THAP4: variants seen among roughly 807,000 people sequenced by gnomAD.
THAP4 encodes the protein THAP domain containing 4.
A neutral mutation model predicts 48.1 loss-of-function variants in THAP4; 18 were observed. The ratio of observed to expected loss-of-function variants is 0.37; its 90% CI spans 0.26 to 0.56. The LOEUF is 0.56. Ranked by LOEUF, THAP4 falls within the 20% of genes least tolerant of loss-of-function variation. The pLI is 0.78. For missense variants in THAP4, 656 were observed against 774.9 expected (o/e 0.85, Z 1.82); for synonymous variants, 345 against 324.9 (o/e 1.06, Z -0.66).
At chr2:241,629,279 A>T (rs1000628203) in intron 2 of THAP4, among the ~76,000 whole-genome samples, 2 of 152,172 alleles carry the variant, frequency 1.3e-5, no homozygotes, top group East Asian at 3.9e-4. Flanking sequence ...AGACCAGCCC[A>T]GGCAACATAG....
At position 241,632,906 on chromosome 2, in the gene THAP4, C is replaced by T; in HGVS notation, c.1240+11G>A. The T allele has an allele frequency of 6.3e-7, 1 of 1,582,390 alleles. No individual in the cohort carries two copies. The highest frequency in any genetic ancestry group is 1.2e-5 in the South Asian group (1 of 86,148). On this transcript the variant is annotated intron_variant, in intron 2 of 5. Coordinates refer to ENST00000407315, the MANE Select transcript of THAP4 (RefSeq NM_015963.6). Reference sequence around the variant, plus strand: ...GAAGGGAACATGGGTACGCGAGGCTCCGGTACTGACCGCGGCTGGGCGACA... The same window carrying T: ...GAAGGGAACATGGGTACGCGAGGCTTCGGTACTGACCGCGGCTGGGCGACA...
rs899604644 is a variant in THAP4, at chr2:241,610,786, G to A, written c.1241-4313C>T. On this transcript the variant is annotated intron_variant, in intron 2 of 5. Transcript: ENST00000407315. The surrounding 1 kb of genome is among the most constrained non-coding windows in gnomAD (Gnocchi z 4.2). ...AGGCGCTCCTTAAATGGGGAAGAAA[G>A]ACGGACAGAGCCAGGGACAGCGAGA... is the stretch of plus-strand genomic sequence containing the variant. 6.6e-6 allele frequency among the ~76,000 whole-genome samples: 1 copy of A among 152,122 alleles called. No individual in the cohort carries two copies. Among genetic ancestry groups the A allele is most frequent in the African/African-American group, 2.4e-5 (1 of 41,436 alleles).
rs143676534 is a variant in THAP4, at chr2:241,591,389, T to C, written c.1615-6664A>G. On this transcript the variant is annotated intron_variant, in intron 5 of 5. Transcript: ENST00000407315. ...TCTTGACTGGCGCAGCGTTACAAGATTATATATGCTTGTCCAAATGTATCA... is the reference window on the plus strand; with the variant it reads ...TCTTGACTGGCGCAGCGTTACAAGACTATATATGCTTGTCCAAATGTATCA... Among the ~76,000 whole-genome samples, 171 of 152,290 alleles carry C rather than the reference T, an allele frequency of 1.1e-3. 1 individual carries two copies. The highest frequency in any genetic ancestry group is 3.7e-3 in the African/African-American group (154 of 41,538).
intron 2 of THAP4, among the ~76,000 whole-genome samples, chr2:241,623,534 A>G (rs1386367645): frequency 1.3e-5 from 2 of 151,926 alleles, no homozygotes; most frequent in African/African-American, 4.8e-5. Flanking sequence ...AGCCAAAATC[A>G]TACCAGTGCC....
chr2:241,637,536 C>T (rs566739327), upstream of THAP4: 1,192 of 1,450,630 alleles, frequency 8.2e-4, 13 homozygotes, highest in East Asian at 0.024. Context: ...CCCCGGGGCT[C>T]GCGTCGGCCC....
At chr2:241,635,851 C>T (rs1360402216) in intron 1 of THAP4, among the ~76,000 whole-genome samples, 3 of 152,140 alleles carry the variant, frequency 2.0e-5, no homozygotes, top group African/African-American at 7.2e-5. Context: ...CTGCTATTTG[C>T]TCCACCTGAG....
At chr2:241,594,251 G>A (rs1170761313) in intron 5 of THAP4, among the ~76,000 whole-genome samples, 1 of 152,154 alleles carries the variant, frequency 6.6e-6, no homozygotes, top group Admixed American at 6.6e-5. Context: ...GGAAGTTGGG[G>A]CTGACAGCTA....
chr2:241,602,372 C>CAT (rs571415430), intron 4 of THAP4, among the ~76,000 whole-genome samples: 3 of 139,068 alleles, frequency 2.2e-5, no homozygotes, highest in South Asian at 2.4e-4. Flanking sequence ...TTTTTTTTTT[C>CAT]TTTTTTTTTT....
intron 2 of THAP4, among the ~76,000 whole-genome samples, chr2:241,624,634 C>A (rs2067474142): frequency 6.6e-6 from 1 of 152,202 alleles, no homozygotes; most frequent in African/African-American, 2.4e-5. Context: ...AACCTGGAAG[C>A]TCTCCAAATT....
chr2:241,635,745 G>A (rs528529389), intron 1 of THAP4, among the ~76,000 whole-genome samples: 2 of 152,204 alleles, frequency 1.3e-5, no homozygotes, highest in African/African-American at 4.8e-5. Flanking sequence ...CTCCAGCCTG[G>A]GCGACAGAGG....
chr2:241,633,254 A>G lies in THAP4; in HGVS notation c.903T>C (p.Ser301=). Residue 301 remains serine, a synonymous_variant, in exon 2 of 6, where the codon TCT becomes TCC. Transcript: ENST00000407315. This position sits in a 1 kb window ranked among gnomAD's most constrained non-coding sequence, Gnocchi z 7.5. ...ATPQKPSQSP[S]APPADVTPKP... The stretch of plus-strand genomic sequence containing the variant: ...TTGGGGTGACGTCGGCAGGAGGGGC[A>G]GAGGGGCTCTGGGAAGGCTTCTGCG... The G allele has an allele frequency of 6.2e-7, 1 of 1,610,470 alleles. No individual in the cohort carries two copies. The highest frequency in any genetic ancestry group is 8.5e-7 in the Non-Finnish European group (1 of 1,179,006).
chr2:241,596,062 C>A (rs986419341), intron 5 of THAP4, among the ~76,000 whole-genome samples: 1 of 152,212 alleles, frequency 6.6e-6, no homozygotes, highest in African/African-American at 2.4e-5. Flanking sequence ...TGCTCCATGT[C>A]CTTCCGCTGT....
At chr2:241,599,597 A>G (rs1418127264) in intron 5 of THAP4, among the ~76,000 whole-genome samples, 1 of 152,216 alleles carries the variant, frequency 6.6e-6, no homozygotes, top group African/African-American at 2.4e-5. Context: ...CTATAAAGAA[A>G]TAAAGCTTTT....
rs528285228 is a variant in THAP4, at chr2:241,602,912, C to T, written c.1510+58G>A. ...CATGGGCATCCCTGCACCCCTGCTT[C>T]GAATGCAGGCAGCAGCCTCCCATGG... On this transcript the variant is annotated intron_variant, in intron 4 of 5. Transcript: ENST00000407315. 139 of 1,338,922 alleles carry T rather than the reference C, an allele frequency of 1.0e-4. No individual in the cohort carries two copies. The African/African-American group carries it at 1.2e-3, about 11-fold the overall frequency. 82.9% of individuals were successfully genotyped at this position (1,338,922 alleles called of 1,614,324 possible). A position where few individuals can be genotyped will look rare whatever the true frequency, so the allele number is the denominator to read the frequency against.
chr2:241,629,076 G>A (rs1371705265), intron 2 of THAP4, among the ~76,000 whole-genome samples: 1 of 152,066 alleles, frequency 6.6e-6, no homozygotes, highest in Non-Finnish European at 1.5e-5. Context: ...AGAAGCACCG[G>A]AACTAAGATG....
At chr2:241,605,395 T>C (rs1322787782) in intron 3 of THAP4, among the ~76,000 whole-genome samples, 1 of 152,218 alleles carries the variant, frequency 6.6e-6, no homozygotes, top group Non-Finnish European at 1.5e-5. Context: ...TTGCTTTTTA[T>C]ATTTTGTTTA....
chr2:241,607,072 G>A (rs954049677), intron 2 of THAP4, among the ~76,000 whole-genome samples: 3 of 152,122 alleles, frequency 2.0e-5, no homozygotes, highest in Non-Finnish European at 4.4e-5. Context: ...GTAAGACCCC[G>A]CTTCCCTGAG....
chr2:241,598,911 C>T (rs1332748215), intron 5 of THAP4, among the ~76,000 whole-genome samples: 2 of 148,174 alleles, frequency 1.3e-5, no homozygotes, highest in East Asian at 4.0e-4. Flanking sequence ...TACCAAGATA[C>T]GCACCTGCAC....
At chr2:241,587,655 A>G (rs1447495190) in intron 5 of THAP4, among the ~76,000 whole-genome samples, 1 of 152,210 alleles carries the variant, frequency 6.6e-6, no homozygotes, top group Non-Finnish European at 1.5e-5. Flanking sequence ...TATAGAATTG[A>G]ATGAAAAATC....
Sources: allele counts gnomAD v4.1 joint callset (sites outside exome capture counted in the v4.1 genomes callset), GRCh38; gene constraint gnomAD v4.1.1; non-coding constraint Gnocchi (gnomAD v3.1); transcripts MANE v1.5; gene names NCBI Gene and HGNC (gene_info 2026-07-23, HGNC 2026-07-21).